MMS22L: variants seen among roughly 807,000 people sequenced by gnomAD.
MMS22L encodes protein MMS22-like.
Under a neutral mutation model 159.1 loss-of-function variants are expected in MMS22L, and 74 were observed. The observed-to-expected ratio is 0.47, with a 90% CI of 0.39 to 0.56. The LOEUF (loss-of-function observed/expected upper bound fraction) is 0.56, where lower values mean the gene tolerates loss of function less well. Ranked by LOEUF, MMS22L falls within the 20% of genes least tolerant of loss-of-function variation. MMS22L has a pLI of 0.00. For missense variants in MMS22L, 1,351 were observed against 1,422.1 expected, an observed-to-expected ratio of 0.95 and a Z score of 0.80; for synonymous variants, 517 against 506.9, an observed-to-expected ratio of 1.02 and a Z score of -0.27.
chr6:97,186,394 C>A (rs1481837797), intron 15 of MMS22L, 103 bp downstream of exon 15: 11 of 880,342 alleles, frequency 1.2e-5, no homozygotes, highest in African/African-American at 3.5e-5. Context: ...TTCTGGCTGA[C>A]AAAATGTTTG....
chr6:97,236,754 A>G (rs1260196682), intron 11 of MMS22L, among the ~76,000 whole-genome samples: 1 of 152,182 alleles, frequency 6.6e-6, no homozygotes, highest in Non-Finnish European at 1.5e-5. Flanking sequence ...GATCGAGACC[A>G]TCCTGGCTAA....
At chr6:97,190,958 G>A (rs1805799381) in intron 14 of MMS22L, among the ~76,000 whole-genome samples, 1 of 152,034 alleles carries the variant, frequency 6.6e-6, no homozygotes, top group Non-Finnish European at 1.5e-5. Flanking sequence ...GTGTTCCTAC[G>A]CTTCTATTTT....
chr6:97,270,861 C>T (rs981517858), intron 6 of MMS22L: 5 of 152,078 alleles, frequency 3.3e-5, no homozygotes. Context: ...TTAGACTTCT[C>T]ACCTCACTGC....
chr6:97,235,016 T>C (rs1199814401), intron 11 of MMS22L, among the ~76,000 whole-genome samples: 1 of 152,178 alleles, frequency 6.6e-6, no homozygotes, highest in Admixed American at 6.5e-5. Flanking sequence ...TTTAAATATG[T>C]TGGGAAGCTA....
intron 6 of MMS22L, chr6:97,270,371 A>G (rs967389011): frequency 6.9e-6 from 3 of 435,954 alleles, no homozygotes; most frequent in African/African-American, 6.2e-5. Flanking sequence ...ATGTATGAGT[A>G]CCCAGGAACT....
intron 14 of MMS22L, 74 bp downstream of exon 14, chr6:97,228,820 T>C: frequency 7.3e-7 from 1 of 1,377,986 alleles, no homozygotes; most frequent in Middle Eastern, 2.1e-4. Flanking sequence ...TGCATATATA[T>C]AACTTTAATA....
At chr6:97,234,329 G>T (rs1811174602) in intron 11 of MMS22L, among the ~76,000 whole-genome samples, 5 of 152,130 alleles carry the variant, frequency 3.3e-5, no homozygotes, top group Admixed American at 2.0e-4. Context: ...TAACGATTAA[G>T]ATGTACACAA....
intron 7 of MMS22L, among the ~76,000 whole-genome samples, chr6:97,268,547 A>G (rs1815392589): frequency 6.6e-6 from 1 of 152,072 alleles, no homozygotes; most frequent in South Asian, 2.1e-4. Flanking sequence ...TAATAAGTCT[A>G]TCTTTAAGAA....
chr6:97,271,890 C>A (rs1815780865), intron 6 of MMS22L: 1 of 152,192 alleles, frequency 6.6e-6, no homozygotes, highest in Non-Finnish European at 1.5e-5. Flanking sequence ...CCAAGCTGGT[C>A]TCAAATCCTG....
chr6:97,162,038 T>C lies in MMS22L; in HGVS notation c.3349A>G (p.Ile1117Val), dbSNP rs775521709. The change falls in exon 22 of 25, where the codon ATT becomes GTT. Residue 1117 changes from isoleucine (I) to valine (V), a missense_variant. Coordinates refer to ENST00000683635, the MANE Select transcript of MMS22L (RefSeq NM_001350599.2). The part of the protein sequence containing the change: ...IYEVELLLPG[I>V]LKCLVLVSEP... ...CTGACTAACACCAAGCATTTTAAAA[T>C]GCCAGGGAGGAGTAGTTCAACTTCA... 4 of 1,611,698 alleles carry C rather than the reference T, an allele frequency of 2.5e-6. No homozygotes were observed. The highest frequency in any genetic ancestry group is 1.3e-5 in the African/African-American group (1 of 74,738).
At chr6:97,267,410 C>A (rs1582847043) in intron 8 of MMS22L, 1 of 151,878 alleles carries the variant, frequency 6.6e-6, no homozygotes, top group Non-Finnish European at 1.5e-5. Context: ...AATAAAAACA[C>A]ATAATTTTAC....
chr6:97,263,509 T>C (rs890714884), intron 8 of MMS22L, 61 bp from the exon 9 acceptor site: 35 of 763,206 alleles, frequency 4.6e-5, no homozygotes, highest in Non-Finnish European at 7.0e-5. Flanking sequence ...AAATGCCATA[T>C]ATCTTTCAAA....
chr6:97,282,108 G>C (rs1031312566), intron 2 of MMS22L, among the ~76,000 whole-genome samples: 1 of 152,190 alleles, frequency 6.6e-6, no homozygotes, highest in Non-Finnish European at 1.5e-5. Context: ...TACCAAGGAA[G>C]TTTTCCCTAA....
Position 97,263,459 on chromosome 6 carries a change from T to C in MMS22L, c.829-11A>G. 7.1e-7 allele frequency: 1 copy of C among 1,414,056 alleles called. No individual in the cohort carries two copies. Among genetic ancestry groups the C allele is most frequent in the Non-Finnish European group, 9.5e-7 (1 of 1,048,748 alleles). The allele number at this position is 1,414,056 out of a possible 1,614,324, so 87.6% of individuals were successfully genotyped here. A position where few individuals can be genotyped will look rare whatever the true frequency, so the allele number is the denominator to read the frequency against. ...TTCAGAAGACCTAACCTATAGAAAATAACCAAAATGTGTTATTTATAAGAC... is the reference window on the plus strand; with the variant it reads ...TTCAGAAGACCTAACCTATAGAAAACAACCAAAATGTGTTATTTATAAGAC... On this transcript the variant is annotated splice_polypyrimidine_tract_variant and intron_variant, in intron 8 of 24. Coordinates refer to ENST00000683635, the MANE Select transcript of MMS22L (RefSeq NM_001350599.2).
intron 15 of MMS22L, among the ~76,000 whole-genome samples, chr6:97,183,839 T>G (rs1377686110): frequency 6.6e-6 from 1 of 152,162 alleles, no homozygotes; most frequent in Non-Finnish European, 1.5e-5. Flanking sequence ...TTTCCTTCAC[T>G]TTGGAGCATT....
chr6:97,266,796 C>T (rs1815166655), intron 8 of MMS22L: 1 of 152,104 alleles, frequency 6.6e-6, no homozygotes, highest in Non-Finnish European at 1.5e-5. Flanking sequence ...AAAAGCTGAA[C>T]TCATAGAAGC....
At chr6:97,220,380 A>C (rs552387827) in intron 14 of MMS22L, among the ~76,000 whole-genome samples, 13 of 152,192 alleles carry the variant, frequency 8.5e-5, no homozygotes, top group Non-Finnish European at 1.3e-4. Flanking sequence ...TTTTAATGTA[A>C]TGAAATGTTC....
chr6:97,255,975 A>G (rs1439878203), intron 9 of MMS22L, among the ~76,000 whole-genome samples: 1 of 152,094 alleles, frequency 6.6e-6, no homozygotes, highest in East Asian at 1.9e-4. Context: ...GAACCTTGAT[A>G]TATTCTGTTT....
chr6:97,252,040 G>A (rs896084340), intron 10 of MMS22L, among the ~76,000 whole-genome samples: 4 of 150,194 alleles, frequency 2.7e-5, no homozygotes, highest in East Asian at 2.0e-4. Flanking sequence ...CCAAGACTGC[G>A]CCACTGCACT....
Sources: gnomAD v4.1 joint callset for allele counts (sites outside exome capture counted in the v4.1 genomes callset) on GRCh38, gnomAD v4.1.1 for gene constraint, MANE v1.5 for transcripts, NCBI Gene and HGNC (gene_info 2026-07-23, HGNC 2026-07-21) for gene names.